Variants in PATJ observed in about 807,000 individuals in gnomAD.
PATJ encodes PATJ crumbs cell polarity complex component.
Under a neutral mutation model 224.9 loss-of-function variants are expected in PATJ, and 190 were observed. The ratio of observed to expected loss-of-function variants is 0.84; its 90% CI spans 0.75 to 0.95. The LOEUF (loss-of-function observed/expected upper bound fraction) is 0.95, where lower values mean the gene tolerates loss of function less well. Among genes scored for constraint, PATJ ranks in the 40% least tolerant of loss-of-function variants. PATJ has a pLI of 0.00. For synonymous variants in PATJ, 769 were observed against 820.3 expected, an observed-to-expected ratio of 0.94 and a Z score of 1.07; for missense variants, 2,121 against 2,270.3, an observed-to-expected ratio of 0.93 and a Z score of 1.34.
chr1:61,877,895 G>A (rs1281179076), intron 21 of PATJ, among the ~76,000 whole-genome samples: 3 of 152,114 alleles, frequency 2.0e-5, no homozygotes, highest in Admixed American at 2.0e-4. Context: ...AGGCCCTACA[G>A]GACTCAATCT....
intron 34 of PATJ, among the ~76,000 whole-genome samples, chr1:62,110,442 G>A (rs949464236): frequency 6.6e-6 from 1 of 152,148 alleles, no homozygotes; most frequent in African/African-American, 2.4e-5. Context: ...CTTTGCACTC[G>A]TGAGAGTCCT....
At chr1:62,069,312 G>A (rs187092071) in intron 31 of PATJ, among the ~76,000 whole-genome samples, 9 of 152,242 alleles carry the variant, frequency 5.9e-5, no homozygotes, top group Admixed American at 4.6e-4. Flanking sequence ...TAGCCTCTCT[G>A]TGCCGCAGTT....
At chr1:62,111,540 T>C (rs1470976778) in intron 34 of PATJ, among the ~76,000 whole-genome samples, 1 of 152,226 alleles carries the variant, frequency 6.6e-6, no homozygotes, top group African/African-American at 2.4e-5. Flanking sequence ...TAAATATTAT[T>C]ACCTCCAATT....
chr1:61,941,403 C>A (rs1420090165), intron 27 of PATJ, among the ~76,000 whole-genome samples: 1 of 152,314 alleles, frequency 6.6e-6, no homozygotes, highest in South Asian at 2.1e-4. Context: ...GTAATCCCAG[C>A]ACTTTGGGAG....
chr1:61,791,369 T>A lies in PATJ; in HGVS notation c.1090T>A (p.Tyr364Asn). The A allele has an allele frequency of 6.2e-7, 1 of 1,611,218 alleles. No individual in the cohort carries two copies. Among genetic ancestry groups the A allele is most frequent in the East Asian group, 2.2e-5 (1 of 44,788 alleles). ...PGSDSSLFET[Y>N]NVELVRKDGQ... ...TTAGGACAGTTCTCTTTTTGAAACT[T>A]ATAATGTTGAGCTTGTGAGAAAAGA... is the stretch of plus-strand genomic sequence containing the variant. Residue 364 changes from tyrosine (Y) to asparagine (N), a missense_variant, in exon 9 of 44, where the codon TAT (tyrosine) becomes AAT (asparagine). Tyr to Asn is a moderately radical substitution (Grantham distance 143). Coordinates refer to ENST00000642238, the MANE Select transcript of PATJ (RefSeq NM_001350145.3).
intron 1 of PATJ, among the ~76,000 whole-genome samples, chr1:61,761,938 T>G (rs1022138672): frequency 6.6e-6 from 1 of 152,104 alleles, no homozygotes. Flanking sequence ...TCCTCCTGCC[T>G]CGGCCTCCCA....
chr1:61,950,813 C>A (rs776665712), intron 27 of PATJ, among the ~76,000 whole-genome samples: 6 of 151,858 alleles, frequency 4.0e-5, no homozygotes, highest in Non-Finnish European at 8.8e-5. Context: ...AATTCTTTTT[C>A]TCATTTCCTA....
rs768659259 is a variant in PATJ at position 61,875,311 on chromosome 1, C to G, written c.2904C>G (p.Gly968=). Residue 968 remains glycine (G), a synonymous_variant, in exon 21 of 44, where the codon GGC becomes GGG. Transcript: ENST00000642238. ...CAACTGAAGGAAACAGTCAACAAGG[C>G]AGATTTGACGACCTGGAAAATCTTA... ...VPSTEGNSQQ[G]RFDDLENLNS... 1 of 1,610,562 alleles carries G rather than the reference C, an allele frequency of 6.2e-7. No individual in the cohort carries two copies.
chr1:61,941,366 T>A (rs1335110454), intron 27 of PATJ, among the ~76,000 whole-genome samples: 1 of 152,122 alleles, frequency 6.6e-6, no homozygotes, highest in Non-Finnish European at 1.5e-5. Context: ...AAAGTTAATT[T>A]TCAGCCGGGC....
At chr1:62,062,677 G>A (rs1268269869) in intron 31 of PATJ, among the ~76,000 whole-genome samples, 2 of 151,246 alleles carry the variant, frequency 1.3e-5, no homozygotes, top group Non-Finnish European at 2.9e-5. Context: ...TAAATTTTTT[G>A]TAGAGATGGG....
In PATJ at chr1:61,908,441, C is replaced by T. The variant is rs1672153560; in HGVS notation, c.3451C>T (p.Pro1151Ser). Residue 1151 changes from proline to serine, a missense_variant, in exon 25 of 44, where the codon CCT (proline) becomes TCT (serine). By Grantham distance (74) the Pro-to-Ser change is moderately conservative (BLOSUM62 -1). Coordinates refer to ENST00000642238, the MANE Select transcript of PATJ (RefSeq NM_001350145.3). ...AVEAIKNAGN[P>S]VVFIVQSLSS... ...TGAGGCCATTAAGAATGCAGGAAAC[C>T]CTGTGGTGTTCATTGTTCAGAGTTT... The T allele has an allele frequency of 1.9e-6, 3 of 1,613,770 alleles. No homozygotes were observed. The highest frequency in any genetic ancestry group is 2.2e-5 in the East Asian group (1 of 44,878).
chr1:62,029,302 G>T (rs1648724614), intron 29 of PATJ, among the ~76,000 whole-genome samples: 1 of 152,126 alleles, frequency 6.6e-6, no homozygotes, highest in Admixed American at 6.5e-5. Flanking sequence ...TACACACACT[G>T]CCTGTTACAT....
chr1:62,117,354 A>C, intron 37 of PATJ, 136 bp downstream of exon 37: 2 of 1,443,102 alleles, frequency 1.4e-6, no homozygotes, highest in East Asian at 5.0e-5. Context: ...GTGAACTTTC[A>C]TGTGTTTGAA....
At chr1:61,964,513 G>T (rs978976181) in intron 27 of PATJ, among the ~76,000 whole-genome samples, 2 of 152,162 alleles carry the variant, frequency 1.3e-5, no homozygotes, top group Middle Eastern at 3.2e-3. Flanking sequence ...TTAAGGCTGG[G>T]TGCAGTGGCT....
At chr1:62,016,866 G>A (rs144413646) in intron 28 of PATJ, among the ~76,000 whole-genome samples, 1 of 152,202 alleles carries the variant, frequency 6.6e-6, no homozygotes, top group Admixed American at 6.5e-5. Context: ...CATGTTTAAT[G>A]GGCTCTCCAG....
intron 27 of PATJ, among the ~76,000 whole-genome samples, chr1:61,938,340 A>C (rs1252432477): frequency 2.6e-5 from 4 of 152,120 alleles, no homozygotes; most frequent in Admixed American, 2.6e-4. Context: ...CTTGATTATA[A>C]ACATTGTTTA....
At chr1:61,988,591 T>C (rs190221499) in intron 27 of PATJ, among the ~76,000 whole-genome samples, 1 of 152,358 alleles carries the variant, frequency 6.6e-6, no homozygotes, top group East Asian at 1.9e-4. Flanking sequence ...GCTAAATGTG[T>C]TCATTATTAT....
At chr1:62,113,174 C>G (rs1664056062) in intron 34 of PATJ, among the ~76,000 whole-genome samples, 1 of 152,184 alleles carries the variant, frequency 6.6e-6, no homozygotes, top group South Asian at 2.1e-4. Flanking sequence ...CTTGGCTTTA[C>G]TCAGTGCTCT....
chr1:61,979,383 G>A (rs910465330), intron 27 of PATJ, among the ~76,000 whole-genome samples: 2 of 151,974 alleles, frequency 1.3e-5, no homozygotes, highest in Admixed American at 6.6e-5. Flanking sequence ...GGCCAGGCGC[G>A]GTGGTTCAGG....
Sources: gnomAD v4.1 joint callset for allele counts (sites outside exome capture counted in the v4.1 genomes callset) on GRCh38, gnomAD v4.1.1 for gene constraint, MANE v1.5 for transcripts, NCBI Gene and HGNC (gene_info 2026-07-23, HGNC 2026-07-21) for gene names.